Variants in CNOT8 observed in about 807,000 individuals in gnomAD.
CNOT8 encodes CAF1-like protein.
CNOT8 carries 18 observed loss-of-function variants against 34.6 expected under a neutral mutation model. That is an observed-to-expected ratio of 0.52 (90% CI 0.36 to 0.77). CNOT8 has a LOEUF of 0.77. Ranked by LOEUF, CNOT8 falls within the 30% of genes least tolerant of loss-of-function variation. CNOT8 has a pLI of 0.00. For missense variants in CNOT8, 189 were observed against 347.9 expected (o/e 0.54, Z 3.63); for synonymous variants, 101 against 118.8 (o/e 0.85, Z 0.98).
At chr5:154,870,054 G>T (rs550200656) in intron 3 of CNOT8, among the ~76,000 whole-genome samples, 3 of 152,042 alleles carry the variant, frequency 2.0e-5, no homozygotes, top group African/African-American at 7.2e-5. Flanking sequence ...CACCATGCCC[G>T]GCCTACTTAT....
intron 2 of CNOT8, among the ~76,000 whole-genome samples, chr5:154,864,271 T>C (rs910671820): frequency 6.6e-6 from 1 of 152,030 alleles, no homozygotes. Flanking sequence ...CCATCCTGGC[T>C]AACACGGTGA....
intron 3 of CNOT8, among the ~76,000 whole-genome samples, chr5:154,866,344 GA>G (rs1367657941): frequency 6.6e-6 from 1 of 152,126 alleles, no homozygotes; most frequent in Non-Finnish European, 1.5e-5. Context: ...TGTAGAAAGT[GA>G]TCAGCCCGCT....
intron 1 of CNOT8, among the ~76,000 whole-genome samples, chr5:154,861,225 CT>C (rs1403818266): frequency 6.6e-6 from 1 of 152,168 alleles, no homozygotes; most frequent in Non-Finnish European, 1.5e-5. Context: ...TTCTGAACTT[CT>C]CTCTTTTCCT....
intron 2 of CNOT8, 151 bp from the exon 3 acceptor site, chr5:154,865,041 A>T: frequency 1.5e-6 from 1 of 661,254 alleles, no homozygotes; most frequent in Non-Finnish European, 2.6e-6. Context: ...GACCAACCCT[A>T]TCTCAAAAAA....
chr5:154,865,362 G>A lies in CNOT8; in HGVS notation c.288G>A (p.Gln96=). The change falls in exon 3 of 7, where the codon CAG becomes CAA. Residue 96 remains glutamine (Q), a synonymous_variant. Transcript: ENST00000285896. ...GEYPSGINTW[Q]FNFKFNLTED... Reference sequence around the variant, plus strand: ...ATCCTTCTGGAATCAATACTTGGCAGTTCAATTTCAAATTTAACCTTACGT... The same window carrying A: ...ATCCTTCTGGAATCAATACTTGGCAATTCAATTTCAAATTTAACCTTACGT... 6.3e-7 allele frequency: 1 copy of A among 1,580,442 alleles called. No individual in the cohort carries two copies. Among genetic ancestry groups the A allele is most frequent in the Admixed American group, 2.1e-5 (1 of 48,178 alleles).
At chr5:154,865,148 C>G in intron 2 of CNOT8, 44 bp from the exon 3 acceptor site, 1 of 1,423,254 alleles carries the variant, frequency 7.0e-7, no homozygotes, top group East Asian at 2.4e-5. Flanking sequence ...TCAGCATCCA[C>G]TGTTTTGTGA....
At chr5:154,869,948 AG>A (rs1366348399) in intron 3 of CNOT8, among the ~76,000 whole-genome samples, 2 of 152,088 alleles carry the variant, frequency 1.3e-5, no homozygotes, top group Non-Finnish European at 2.9e-5. Flanking sequence ...TGGTAGAGAC[AG>A]GGTTTCACCA....
At chr5:154,869,914 C>T (rs373017408) in intron 3 of CNOT8, among the ~76,000 whole-genome samples, 17 of 152,232 alleles carry the variant, frequency 1.1e-4, no homozygotes, top group African/African-American at 3.6e-4. Flanking sequence ...TGAGCCACCA[C>T]GCCTGGCCTA....
At chr5:154,860,356 G>T (rs146961321) in intron 1 of CNOT8, among the ~76,000 whole-genome samples, 167 of 152,284 alleles carry the variant, frequency 1.1e-3, no homozygotes, top group South Asian at 2.1e-3. Context: ...AGGCTGGAAT[G>T]CAGTGGCGTA....
intron 2 of CNOT8, among the ~76,000 whole-genome samples, chr5:154,864,358 G>A (rs1168985978): frequency 6.6e-6 from 1 of 152,010 alleles, no homozygotes; most frequent in Non-Finnish European, 1.5e-5. Context: ...TACTCGGGAG[G>A]CTGAGGCAGA....
intron 1 of CNOT8, among the ~76,000 whole-genome samples, chr5:154,860,837 G>A (rs977824008): frequency 2.0e-5 from 3 of 152,066 alleles, no homozygotes; most frequent in African/African-American, 7.2e-5. Context: ...CCATATATAT[G>A]CCAGATATGT....
intron 3 of CNOT8, among the ~76,000 whole-genome samples, chr5:154,870,239 G>GTT (rs961014209): frequency 7.1e-6 from 1 of 141,690 alleles, no homozygotes; most frequent in Non-Finnish European, 1.5e-5. Flanking sequence ...TGTGTGTGTT[G>GTT]TTTTTTTTTT....
At chr5:154,871,011 C>G (rs1299269150) in intron 4 of CNOT8, among the ~76,000 whole-genome samples, 189 bp downstream of exon 4, 2 of 152,130 alleles carry the variant, frequency 1.3e-5, no homozygotes, top group African/African-American at 2.4e-5. Flanking sequence ...TGGTTTGTTT[C>G]ACACAGTATT....
In CNOT8 at chr5:154,876,313, A is replaced by T. The variant is rs190300833; in HGVS notation, c.*874A>T. 31 of 152,336 alleles carry T rather than the reference A, an allele frequency of 2.0e-4. No individual in the cohort carries two copies. The highest frequency in any genetic ancestry group is 7.2e-4 in the African/African-American group (30 of 41,572). The allele number at this position is 152,336 out of a possible 1,614,324, so 9.4% of individuals were successfully genotyped here. A position where few individuals can be genotyped will look rare whatever the true frequency, so the allele number is the denominator to read the frequency against. ...AATGTGATTTCAGATGGTCATCTGG[A>T]TTCTCCCACTTCTCTACTCCATTAT... On this transcript the variant is annotated 3_prime_UTR_variant, in exon 7 of 7. Coordinates refer to ENST00000285896, the MANE Select transcript of CNOT8 (RefSeq NM_001301073.2).
chr5:154,862,983 T>C (rs1454254182), intron 1 of CNOT8, among the ~76,000 whole-genome samples: 1 of 152,154 alleles, frequency 6.6e-6, no homozygotes, highest in South Asian at 2.1e-4. Flanking sequence ...GGGCAGAAGT[T>C]TCAATAACTT....
chr5:154,870,971 G>C lies in CNOT8; in HGVS notation c.473+149G>C, dbSNP rs749488527. On this transcript the variant is annotated intron_variant, in intron 4 of 6. Coordinates refer to ENST00000285896, the MANE Select transcript of CNOT8 (RefSeq NM_001301073.2). The stretch of plus-strand genomic sequence containing the variant: ...ATTGGTGCTTGTTGCCCATGTTTCA[G>C]TTTTTCACAAAACACTGGGGCTCAT... 5.0e-5 allele frequency: 35 copies of C among 701,468 alleles called. 1 individual carries two copies. The Middle Eastern group carries it at 1.9e-3, about 38-fold the overall frequency. 43.5% of individuals were successfully genotyped at this position (701,468 alleles called of 1,614,324 possible).
chr5:154,871,509 G>A (rs1206183234), intron 4 of CNOT8, among the ~76,000 whole-genome samples: 1 of 144,134 alleles, frequency 6.9e-6, no homozygotes, highest in Non-Finnish European at 1.5e-5. Flanking sequence ...GCAGTGAGCC[G>A]AGATCGTGCC....
rs548406875 is a variant in CNOT8, at chr5:154,862,031, G to T, written c.-72-1176G>T. Reference sequence around the variant, plus strand: ...TTTTTATAACCAGGCCTTGTACGTTGTTTGCCATAATAATAACAGCATTCG... The same window carrying T: ...TTTTTATAACCAGGCCTTGTACGTTTTTTGCCATAATAATAACAGCATTCG... On this transcript the variant is annotated intron_variant, in intron 1 of 6. Transcript: ENST00000285896. 2.2e-4 allele frequency among the ~76,000 whole-genome samples: 33 copies of T among 152,154 alleles called. 1 individual carries two copies. Among genetic ancestry groups the T allele is most frequent in the African/African-American group, 7.5e-4 (31 of 41,516 alleles).
At chr5:154,873,831 A>G (rs1349412856) in intron 6 of CNOT8, among the ~76,000 whole-genome samples, 20 of 152,162 alleles carry the variant, frequency 1.3e-4, no homozygotes, top group Admixed American at 1.3e-3. Flanking sequence ...CCTGGAGGGT[A>G]CATTTGTTAA....
Sources: allele counts gnomAD v4.1 joint callset (sites outside exome capture counted in the v4.1 genomes callset), GRCh38; gene constraint gnomAD v4.1.1; transcripts MANE v1.5; gene names NCBI Gene and HGNC (gene_info 2026-07-23, HGNC 2026-07-21).